Variants in UMAD1 observed in about 807,000 individuals in gnomAD.
UMAD1 encodes UBAP1-MVB12-associated (UMA) domain containing 1, also known as UBAP1-MVB12-associated (UMA)-domain containing protein 1.
UMAD1 carries 8 observed loss-of-function variants against 6.1 expected under a neutral mutation model. The observed-to-expected ratio is 1.30, with a 90% CI of 0.76 to 2.35. The LOEUF (loss-of-function observed/expected upper bound fraction) is 2.35. Among genes scored for constraint, UMAD1 ranks in the 30% most tolerant of loss-of-function variants. UMAD1 has a pLI of 0.00. For missense variants in UMAD1, 130 were observed against 78.4 expected (o/e 1.66, Z -2.49); for synonymous variants, 56 against 31.4 (o/e 1.78, Z -2.61).
intron 2 of UMAD1, among the ~76,000 whole-genome samples, chr7:7,748,102 A>T (rs78857294): frequency 3.1e-5 from 3 of 95,572 alleles, no homozygotes; most frequent in South Asian, 5.6e-4. Flanking sequence ...ACGCCCAGCT[A>T]ATTTTTTTTT....
At chr7:7,875,117 G>A (rs899505902) in intron 3 of UMAD1, among the ~76,000 whole-genome samples, 4 of 152,086 alleles carry the variant, frequency 2.6e-5, no homozygotes, top group African/African-American at 9.7e-5. Flanking sequence ...CTAAGAATTT[G>A]TCAGCATTTA....
At chr7:7,760,231 C>G (rs191320680) in intron 2 of UMAD1, among the ~76,000 whole-genome samples, 40 of 151,936 alleles carry the variant, frequency 2.6e-4, no homozygotes, top group Non-Finnish European at 8.8e-5. Context: ...GTGAAGTTGT[C>G]CTTCAACTGT....
At chr7:7,827,005 T>C (rs1017216515) in intron 3 of UMAD1, among the ~76,000 whole-genome samples, 12 of 152,208 alleles carry the variant, frequency 7.9e-5, no homozygotes, top group African/African-American at 2.6e-4. Context: ...TAAGGAATTA[T>C]AAGACTATTC....
chr7:7,700,759 G>T (rs1780440683), intron 2 of UMAD1, among the ~76,000 whole-genome samples: 1 of 152,032 alleles, frequency 6.6e-6, no homozygotes, highest in South Asian at 2.1e-4. Flanking sequence ...ATGGTGGTGG[G>T]TGCCTGTAAT....
chr7:7,696,660 TCA>T (rs1445569983), intron 2 of UMAD1, among the ~76,000 whole-genome samples: 1 of 152,130 alleles, frequency 6.6e-6, no homozygotes, highest in Non-Finnish European at 1.5e-5. Flanking sequence ...AACAAATGAC[TCA>T]CATGCTCAAG....
chr7:7,806,756 A>G (rs988241845), intron 3 of UMAD1, among the ~76,000 whole-genome samples: 5 of 152,174 alleles, frequency 3.3e-5, no homozygotes, highest in East Asian at 1.9e-4. Flanking sequence ...ATATATATAC[A>G]TCTGATTAAG....
chr7:7,751,509 G>C, intron 2 of UMAD1, among the ~76,000 whole-genome samples: 1 of 152,198 alleles, frequency 6.6e-6, no homozygotes, highest in East Asian at 1.9e-4. Flanking sequence ...TTGCAATGTG[G>C]AAAAGTCAGG....
intron 2 of UMAD1, among the ~76,000 whole-genome samples, chr7:7,702,483 A>T (rs995929655): frequency 6.6e-6 from 1 of 152,188 alleles, no homozygotes; most frequent in Non-Finnish European, 1.5e-5. Context: ...GTACACTCCA[A>T]TAGCTTTTAT....
chr7:7,804,481 TG>T lies in UMAD1; in HGVS notation c.156+2741del, dbSNP rs1375069027. Among the ~76,000 whole-genome samples the T allele has an allele frequency of 2.0e-5, 3 of 152,164 alleles. No individual in the cohort carries two copies. In the East Asian group the frequency reaches 5.8e-4, roughly 29 times the overall value. On this transcript the variant is annotated intron_variant, in intron 3 of 3. Transcript: ENST00000682710. ...TGAGCTCCGGAGTTCAAGACCAGCC[TG>T]GGCAACATGATGAAACCCCATCTCT...
chr7:7,643,574 C>T (rs1270737140), intron 1 of UMAD1, among the ~76,000 whole-genome samples: 1 of 152,036 alleles, frequency 6.6e-6, no homozygotes, highest in Non-Finnish European at 1.5e-5. Flanking sequence ...TATCCAGGCG[C>T]GATGGCGGGG....
chr7:7,813,321 C>T (rs555457476), intron 3 of UMAD1, among the ~76,000 whole-genome samples: 23 of 152,296 alleles, frequency 1.5e-4, no homozygotes, highest in African/African-American at 5.1e-4. Flanking sequence ...TCTCCTGCCT[C>T]AACCTCCCAA....
intron 3 of UMAD1, among the ~76,000 whole-genome samples, chr7:7,809,569 C>G (rs28472803): frequency 0.027 from 4,178 of 152,048 alleles, 81 homozygotes; most frequent in Middle Eastern, 0.068. Flanking sequence ...TTTAAAATCT[C>G]TTTTAGCAAT....
intron 1 of UMAD1, among the ~76,000 whole-genome samples, chr7:7,672,332 G>C (rs1779626802): frequency 6.6e-6 from 1 of 152,164 alleles, no homozygotes; most frequent in African/African-American, 2.4e-5. Flanking sequence ...AATGGGAATA[G>C]TAGGAAAAGA....
chr7:7,733,422 C>G (rs1781293707), intron 2 of UMAD1, among the ~76,000 whole-genome samples: 1 of 151,840 alleles, frequency 6.6e-6, no homozygotes, highest in Non-Finnish European at 1.5e-5. Flanking sequence ...GCCAAACAAT[C>G]TAAACTTCAT....
chr7:7,796,658 G>C (rs1434875977), intron 2 of UMAD1, among the ~76,000 whole-genome samples: 1 of 152,128 alleles, frequency 6.6e-6, no homozygotes, highest in Admixed American at 6.5e-5. Flanking sequence ...TAGTGTCCCT[G>C]ACACTAGAAT....
At chr7:7,857,689 C>G (rs964179556) in intron 3 of UMAD1, among the ~76,000 whole-genome samples, 10 of 152,264 alleles carry the variant, frequency 6.6e-5, no homozygotes, top group Middle Eastern at 3.4e-3. Context: ...TAAAATAGTC[C>G]AAACAGCCTG....
chr7:7,778,275 T>TGAGAGAGAGA (rs1554327252), intron 2 of UMAD1, among the ~76,000 whole-genome samples: 6 of 110,652 alleles, frequency 5.4e-5, no homozygotes, highest in African/African-American at 1.9e-4. Flanking sequence ...TGTGTGTGTG[T>TGAGAGAGAGA]GAGAGAGAGA....
At chr7:7,745,603 C>T (rs916183334) in intron 2 of UMAD1, among the ~76,000 whole-genome samples, 3 of 152,200 alleles carry the variant, frequency 2.0e-5, no homozygotes, top group Non-Finnish European at 2.9e-5. Flanking sequence ...GTCTAGCGAA[C>T]AGGTCAGGGA....
intron 2 of UMAD1, among the ~76,000 whole-genome samples, chr7:7,688,148 A>G (rs28912726): frequency 6.6e-6 from 1 of 152,114 alleles, no homozygotes; most frequent in African/African-American, 2.4e-5. Flanking sequence ...TTTTGGGGGG[A>G]GAACATTCCC....
Sources: gnomAD v4.1 joint callset for allele counts (sites outside exome capture counted in the v4.1 genomes callset) on GRCh38, gnomAD v4.1.1 for gene constraint, MANE v1.5 for transcripts, NCBI Gene and HGNC (gene_info 2026-07-23, HGNC 2026-07-21) for gene names.